Variants in CDH23 observed in about 807,000 individuals in gnomAD.
The protein encoded by CDH23 is cadherin-23.
In CDH23, 189 loss-of-function variants were observed where a neutral mutation model predicts 317.1. The observed-to-expected ratio is 0.60, with a 90% CI of 0.53 to 0.67. CDH23 has a LOEUF of 0.67. CDH23 is among the 30% of genes least tolerant of loss of function. The pLI is 0.00. For missense variants in CDH23, 4,401 were observed against 4,592.4 expected, an observed-to-expected ratio of 0.96 and a Z score of 1.20; for synonymous variants, 1,839 against 1,876.8, an observed-to-expected ratio of 0.98 and a Z score of 0.52.
intron 1 of CDH23, among the ~76,000 whole-genome samples, chr10:71,412,900 G>C (rs1848397589): frequency 6.6e-6 from 1 of 152,126 alleles, no homozygotes; most frequent in Non-Finnish European, 1.5e-5. Flanking sequence ...TCAGATGTGT[G>C]ATTTACAGAT....
At chr10:71,738,468 C>T (rs567191213) in intron 34 of CDH23, 30 bp from the exon 35 acceptor site, 3 of 1,613,798 alleles carry the variant, frequency 1.9e-6, no homozygotes, top group South Asian at 2.2e-5. Context: ...GGGAAGGAGG[C>T]TGTAGGTCTC....
At chr10:71,581,719 T>C (rs367868699) in intron 9 of CDH23, among the ~76,000 whole-genome samples, 1 of 152,228 alleles carries the variant, frequency 6.6e-6, no homozygotes, top group East Asian at 1.9e-4. Flanking sequence ...TCCCTCAGCC[T>C]GTGCCTGCCC....
intron 14 of CDH23, among the ~76,000 whole-genome samples, chr10:71,655,197 AT>A (rs1863367363): frequency 1.3e-5 from 2 of 152,080 alleles, no homozygotes; most frequent in Admixed American, 1.3e-4. Flanking sequence ...AAAGACAGTG[AT>A]CCCTGCTGTC....
At chr10:71,574,364 A>G (rs569304583) in intron 8 of CDH23, among the ~76,000 whole-genome samples, 24 of 152,300 alleles carry the variant, frequency 1.6e-4, no homozygotes, top group African/African-American at 5.8e-4. Context: ...TGAAGGGCCG[A>G]TAGAAGGTGA....
At chr10:71,791,429 C>T in intron 47 of CDH23, 94 bp downstream of exon 47, 2 of 1,090,574 alleles carry the variant, frequency 1.8e-6, no homozygotes, top group Non-Finnish European at 1.3e-6. Context: ...AGTTTGCCTC[C>T]AGTGGGGAGA....
Position 71,806,200 on chromosome 10 carries a change from A to G in CDH23, c.8097A>G (p.Pro2699=). ...LILVASDLGQ[P]VPYETMQPLQ... ...TGGTGGCCAGCGACCTGGGCCAGCCAGTGCCATACGAGACTATGCAGCCGC... is the reference window on the plus strand; with the variant it reads ...TGGTGGCCAGCGACCTGGGCCAGCCGGTGCCATACGAGACTATGCAGCCGC... The change falls in exon 57 of 70, where the codon CCA becomes CCG. Residue 2699 remains proline (P), a synonymous_variant. Transcript: ENST00000224721. The G allele has an allele frequency of 6.3e-7, 1 of 1,576,796 alleles. No homozygotes were observed. The highest frequency in any genetic ancestry group is 1.2e-5 in the South Asian group (1 of 85,970).
chr10:71,658,030 G>A (rs1031641058), intron 14 of CDH23, among the ~76,000 whole-genome samples: 3 of 152,162 alleles, frequency 2.0e-5, no homozygotes, highest in East Asian at 1.9e-4. Context: ...GGGTGTCTAC[G>A]GATGTACTTC....
chr10:71,550,559 CAAAAAAAAA>C (rs1222399834), intron 6 of CDH23, among the ~76,000 whole-genome samples: 1 of 45,762 alleles, frequency 2.2e-5, no homozygotes, highest in South Asian at 9.3e-4. Context: ...GACCCTGTCT[CAAAAAAAAA>C]AAAAAAAAAG....
At chr10:71,738,416 T>C in intron 34 of CDH23, 82 bp from the exon 35 acceptor site, 1 of 1,538,474 alleles carries the variant, frequency 6.5e-7, no homozygotes, top group Admixed American at 1.7e-5. Context: ...ATCTGGTCCC[T>C]ACTGGACCCA....
intron 14 of CDH23, among the ~76,000 whole-genome samples, chr10:71,664,265 GCCAGAGCAATTTGCTCC>G (rs1212487199): frequency 6.6e-6 from 1 of 152,170 alleles, no homozygotes; most frequent in African/African-American, 2.4e-5. Flanking sequence ...AGAGCTGCTG[GCCAGAGCAATTTGCTCC>G]CCATCAATTT....
chr10:71,814,181 C>T (rs546647341), intron 69 of CDH23, among the ~76,000 whole-genome samples: 1 of 152,302 alleles, frequency 6.6e-6, no homozygotes, highest in East Asian at 1.9e-4. Flanking sequence ...CTGCTTGAGG[C>T]CAATTTGGCA....
chr10:71,680,078 C>G (rs1219093881), intron 17 of CDH23, among the ~76,000 whole-genome samples: 2 of 152,120 alleles, frequency 1.3e-5, no homozygotes, highest in Non-Finnish European at 2.9e-5. Context: ...TGTGGTCTGG[C>G]CCTTGGTTGC....
At chr10:71,600,480 G>A (rs1240612894) in intron 9 of CDH23, among the ~76,000 whole-genome samples, 1 of 149,402 alleles carries the variant, frequency 6.7e-6, no homozygotes, top group Non-Finnish European at 1.5e-5. Flanking sequence ...GAAGATGTCT[G>A]TTGAGCATTT....
chr10:71,407,796 A>G (rs1040989226), intron 1 of CDH23, among the ~76,000 whole-genome samples: 8 of 152,174 alleles, frequency 5.3e-5, no homozygotes, highest in South Asian at 2.1e-4. Context: ...ATGAAGAAAA[A>G]TGCCCCTGGC....
At chr10:71,726,959 T>C (rs1440497186) in intron 30 of CDH23, among the ~76,000 whole-genome samples, 1 of 152,136 alleles carries the variant, frequency 6.6e-6, no homozygotes, top group Non-Finnish European at 1.5e-5. Context: ...GGGTACAGTG[T>C]AAAACAGATC....
chr10:71,651,773 C>T (rs2132611224), intron 14 of CDH23, among the ~76,000 whole-genome samples: 1 of 152,288 alleles, frequency 6.6e-6, no homozygotes, highest in Admixed American at 6.5e-5. Flanking sequence ...ACCATCCATA[C>T]CCCCTTGCCT....
At chr10:71,516,366 G>T (rs1339135915) in intron 6 of CDH23, among the ~76,000 whole-genome samples, 1 of 152,156 alleles carries the variant, frequency 6.6e-6, no homozygotes, top group Non-Finnish European at 1.5e-5. Flanking sequence ...GAGCCTCAGT[G>T]CTGGCTGCGA....
In CDH23 at chr10:71,815,522, A is replaced by C. The variant is rs1842105373; in HGVS notation, c.*244A>C. Reference sequence around the variant, plus strand: ...TATAAGAAAACCAAACAAAAATGTTAAGCATCTAAGGACAAGGTAAGGAGG... The same window carrying C: ...TATAAGAAAACCAAACAAAAATGTTCAGCATCTAAGGACAAGGTAAGGAGG... On this transcript the variant is annotated 3_prime_UTR_variant, in exon 70 of 70. Coordinates refer to ENST00000224721, the MANE Select transcript of CDH23 (RefSeq NM_022124.6). The C allele has an allele frequency of 2.3e-6, 1 of 429,872 alleles. No individual in the cohort carries two copies. Among genetic ancestry groups the C allele is most frequent in the African/African-American group, 2.0e-5 (1 of 50,226 alleles). 26.6% of individuals were successfully genotyped at this position (429,872 alleles called of 1,614,324 possible).
At chr10:71,492,707 A>G (rs930711359) in intron 3 of CDH23, among the ~76,000 whole-genome samples, 2 of 152,194 alleles carry the variant, frequency 1.3e-5, no homozygotes, top group African/African-American at 2.4e-5. Context: ...GGCTCTGGGT[A>G]TACAGCAGAG....
Sources: allele counts gnomAD v4.1 joint callset (sites outside exome capture counted in the v4.1 genomes callset), GRCh38; gene constraint gnomAD v4.1.1; transcripts MANE v1.5; gene names NCBI Gene and HGNC (gene_info 2026-07-23, HGNC 2026-07-21).